The following IGF2BP3 variants were observed in gnomAD, a reference collection of about 807,000 sequenced individuals.
IGF2BP3 encodes insulin like growth factor 2 mRNA binding protein 3.
IGF2BP3 carries 9 observed loss-of-function variants against 73.8 expected under a neutral mutation model. The observed-to-expected ratio is 0.12, with a 90% confidence interval of 0.07 to 0.21. The LOEUF (loss-of-function observed/expected upper bound fraction) is 0.21, where lower values mean the gene tolerates loss of function less well. IGF2BP3 is among the 10% of genes least tolerant of loss of function. The pLI is 1.00. For synonymous variants in IGF2BP3, 258 were observed against 256.7 expected (o/e 1.01, Z -0.05); for missense variants, 542 against 714.0 (o/e 0.76, Z 2.75).
At chr7:23,437,485 AAAATAAATAAATAAAT>A (rs71770418) in intron 2 of IGF2BP3, among the ~76,000 whole-genome samples, 19 of 148,666 alleles carry the variant, frequency 1.3e-4, no homozygotes, top group African/African-American at 2.7e-4. Context: ...CTTCATTTCA[AAAATAAATAAATAAAT>A]AAATAAATAA....
intron 8 of IGF2BP3, 131 bp downstream of exon 8, chr7:23,345,809 G>A: frequency 9.4e-7 from 1 of 1,065,008 alleles, no homozygotes; most frequent in Admixed American, 2.5e-5. Context: ...AGCTGTATTT[G>A]AGAAACCATG....
intron 2 of IGF2BP3, among the ~76,000 whole-genome samples, chr7:23,447,211 A>C (rs1443206579): frequency 6.6e-6 from 1 of 152,060 alleles, no homozygotes; most frequent in Non-Finnish European, 1.5e-5. Context: ...ACACACACAC[A>C]CACAGCCTCA....
At chr7:23,366,774 T>A (rs411586) in intron 3 of IGF2BP3, among the ~76,000 whole-genome samples, 2 of 152,064 alleles carry the variant, frequency 1.3e-5, no homozygotes, top group East Asian at 3.9e-4. Flanking sequence ...GGGAAAGGGC[T>A]GTCAATAGCC....
At chr7:23,436,922 C>A (rs949549582) in intron 2 of IGF2BP3, among the ~76,000 whole-genome samples, 43 of 151,600 alleles carry the variant, frequency 2.8e-4, no homozygotes, top group African/African-American at 1.0e-3. Flanking sequence ...TCAAGACCAG[C>A]CTGGCCAACT....
At chr7:23,314,432 C>T (rs1365093149) in intron 12 of IGF2BP3, among the ~76,000 whole-genome samples, 1 of 151,732 alleles carries the variant, frequency 6.6e-6, no homozygotes, top group Non-Finnish European at 1.5e-5. Flanking sequence ...GTGATGTGCC[C>T]ACCTCAGCCT....
intron 10 of IGF2BP3, among the ~76,000 whole-genome samples, chr7:23,320,300 C>A (rs539367927): frequency 2.6e-5 from 4 of 152,208 alleles, no homozygotes; most frequent in Admixed American, 2.6e-4. Flanking sequence ...TATCTATGTA[C>A]CTCATTCCTT....
intron 9 of IGF2BP3, among the ~76,000 whole-genome samples, chr7:23,342,515 T>C (rs1047652090): frequency 1.3e-5 from 2 of 152,104 alleles, no homozygotes; most frequent in East Asian, 1.9e-4. Flanking sequence ...AAACTAAATA[T>C]AGACAAAAAG....
rs762988344 is a variant in IGF2BP3, at chr7:23,313,656, G to A, written c.1396-3C>T. 3 of 1,612,824 alleles carry A rather than the reference G, an allele frequency of 1.9e-6. No homozygotes were observed. Among genetic ancestry groups the A allele is most frequent in the African/African-American group, 2.7e-5 (2 of 74,842 alleles). On this transcript the variant is annotated splice_polypyrimidine_tract_variant and splice_region_variant and intron_variant, in intron 12 of 14. Transcript: ENST00000258729. ...TTTCCATAAATTCTTCCCTGAGCCT[G>A]CAGATGAAAACACATCCTATTAGTG...
At chr7:23,322,296 T>C (rs1001632218) in intron 10 of IGF2BP3, among the ~76,000 whole-genome samples, 6 of 151,722 alleles carry the variant, frequency 4.0e-5, no homozygotes, top group Admixed American at 6.6e-5. Context: ...GGAGCCGATG[T>C]GATCAACTGG....
At chr7:23,362,905 C>A (rs1411110064) in intron 3 of IGF2BP3, among the ~76,000 whole-genome samples, 2 of 152,060 alleles carry the variant, frequency 1.3e-5, no homozygotes, top group African/African-American at 4.8e-5. Flanking sequence ...AGGTGCACGC[C>A]GCCACCCTCA....
At chr7:23,389,570 A>C (rs1316377679) in intron 3 of IGF2BP3, among the ~76,000 whole-genome samples, 1 of 152,004 alleles carries the variant, frequency 6.6e-6, no homozygotes, top group Admixed American at 6.6e-5. Flanking sequence ...ACAAGACTAC[A>C]CAGATGGGAA....
chr7:23,357,268 GTTTC>G (rs1422702142), intron 5 of IGF2BP3, among the ~76,000 whole-genome samples: 3 of 150,452 alleles, frequency 2.0e-5, no homozygotes, highest in East Asian at 1.9e-4. Context: ...TGCAATGATA[GTTTC>G]TTTCTTTTTT....
At chr7:23,350,221 A>G (rs1458596734) in intron 6 of IGF2BP3, among the ~76,000 whole-genome samples, 2 of 152,242 alleles carry the variant, frequency 1.3e-5, no homozygotes, top group African/African-American at 2.4e-5. Context: ...ACAAACACAT[A>G]AAGTATACAC....
At chr7:23,378,913 A>G (rs1203799034) in intron 3 of IGF2BP3, among the ~76,000 whole-genome samples, 3 of 151,984 alleles carry the variant, frequency 2.0e-5, no homozygotes, top group Non-Finnish European at 4.4e-5. Context: ...AGTACTGGAG[A>G]AACACAATTG....
intron 2 of IGF2BP3, among the ~76,000 whole-genome samples, chr7:23,467,586 G>A (rs751770842): frequency 3.1e-4 from 47 of 152,050 alleles, no homozygotes; most frequent in Non-Finnish European, 1.3e-4. Flanking sequence ...TTGGCTGAAG[G>A]TTTTAAAAAA....
intron 2 of IGF2BP3, among the ~76,000 whole-genome samples, chr7:23,455,525 T>C (rs1196048099): frequency 3.3e-5 from 5 of 152,212 alleles, no homozygotes; most frequent in African/African-American, 4.8e-5. Context: ...CCCTATGACA[T>C]ATTGACAACT....
At chr7:23,346,905 C>T (rs1178234019) in intron 7 of IGF2BP3, among the ~76,000 whole-genome samples, 1 of 152,094 alleles carries the variant, frequency 6.6e-6, no homozygotes, top group Non-Finnish European at 1.5e-5. Context: ...TTTCTCTATA[C>T]TAAAATAATT....
At chr7:23,405,156 G>C (rs376015060) in intron 3 of IGF2BP3, 1 of 152,132 alleles carries the variant, frequency 6.6e-6, no homozygotes, top group Admixed American at 6.5e-5. Context: ...CTCTGTTCTT[G>C]AGAAATGAAA....
intron 10 of IGF2BP3, among the ~76,000 whole-genome samples, chr7:23,321,967 C>T (rs574597206): frequency 5.3e-4 from 81 of 152,168 alleles, no homozygotes; most frequent in Middle Eastern, 3.4e-3. Context: ...ACCACAAAGA[C>T]GGGGAAAAAA....
Sources: allele counts gnomAD v4.1 joint callset (sites outside exome capture counted in the v4.1 genomes callset), GRCh38; gene constraint gnomAD v4.1.1; transcripts MANE v1.5; gene names NCBI Gene and HGNC (gene_info 2026-07-23, HGNC 2026-07-21).